Variants in QTMAN observed in about 807,000 individuals in gnomAD.
The protein encoded by QTMAN is queuosine-tRNA mannosyltransferase.
chr2:144,006,924 C>T, the QTMAN span: 1 of 332,758 alleles, frequency 3.0e-6, no homozygotes, highest in Non-Finnish European at 5.4e-6. Context: ...ACTTGATATG[C>T]TAGAAGTGCC....
chr2:144,300,875 T>C, the QTMAN span, among the ~76,000 whole-genome samples: 1 of 152,214 alleles, frequency 6.6e-6, no homozygotes, highest in Non-Finnish European at 1.5e-5. Context: ...CTAAGGAGGA[T>C]GAGTAATGCA....
the QTMAN span, among the ~76,000 whole-genome samples, chr2:144,172,736 T>C: frequency 6.6e-6 from 1 of 151,148 alleles, no homozygotes; most frequent in East Asian, 1.9e-4. Context: ...TATTCAAAAA[T>C]ACTAAGATAA....
chr2:144,110,688 CA>C, the QTMAN span, among the ~76,000 whole-genome samples: 6,123 of 132,910 alleles, frequency 0.046, 277 homozygotes, highest in East Asian at 0.088. Flanking sequence ...GACCCCCCCC[CA>C]AAAAAAAAAA....
At chr2:144,227,461 T>C in the QTMAN span, among the ~76,000 whole-genome samples, 1 of 152,102 alleles carries the variant, frequency 6.6e-6, no homozygotes, top group African/African-American at 2.4e-5. Context: ...CCACAAACCC[T>C]CACAAATTAA....
chr2:144,132,475 T>C, the QTMAN span, among the ~76,000 whole-genome samples: 185 of 152,198 alleles, frequency 1.2e-3, 2 homozygotes, highest in South Asian at 8.5e-3. Flanking sequence ...ACTTCTGTAC[T>C]GATCAATCCA....
chr2:144,024,128 T>C, the QTMAN span, among the ~76,000 whole-genome samples: 252 of 152,352 alleles, frequency 1.7e-3, no homozygotes, highest in African/African-American at 5.8e-3. Context: ...AACCAATCCA[T>C]GTGTAGATGT....
chr2:144,069,549 T>A, the QTMAN span, among the ~76,000 whole-genome samples: 1 of 152,044 alleles, frequency 6.6e-6, no homozygotes. Flanking sequence ...CATAACACAT[T>A]TATGTCAGAA....
the QTMAN span, among the ~76,000 whole-genome samples, chr2:144,063,210 T>G: frequency 1.3e-5 from 2 of 152,058 alleles, no homozygotes; most frequent in Non-Finnish European, 2.9e-5. Context: ...CTGGATTAAG[T>G]CCCTTAATCC....
chr2:144,101,680 C>T, the QTMAN span, among the ~76,000 whole-genome samples: 1 of 151,920 alleles, frequency 6.6e-6, no homozygotes, highest in South Asian at 2.1e-4. Context: ...TTTTGTTTTA[C>T]ACATATAAAT....
the QTMAN span, among the ~76,000 whole-genome samples, chr2:144,029,491 C>A: frequency 6.6e-6 from 1 of 152,212 alleles, no homozygotes; most frequent in South Asian, 2.1e-4. Context: ...CACTACCCGC[C>A]TTCCCTTGTA....
chr2:144,113,247 G>C, the QTMAN span, among the ~76,000 whole-genome samples: 1 of 150,884 alleles, frequency 6.6e-6, no homozygotes, highest in Admixed American at 6.6e-5. Flanking sequence ...AAAAAAGAGG[G>C]AAAAAAAATA....
At chr2:144,094,662 G>A in the QTMAN span, among the ~76,000 whole-genome samples, 1 of 152,160 alleles carries the variant, frequency 6.6e-6, no homozygotes, top group Non-Finnish European at 1.5e-5. Flanking sequence ...GTGATTCAAT[G>A]ATCTTCACCT....
the QTMAN span, among the ~76,000 whole-genome samples, chr2:144,126,008 C>A: frequency 6.6e-6 from 1 of 151,918 alleles, no homozygotes; most frequent in African/African-American, 2.4e-5. Flanking sequence ...AGAAAGAGAT[C>A]AAGGATAAAT....
chr2:144,067,613 C>A, the QTMAN span, among the ~76,000 whole-genome samples: 1 of 152,176 alleles, frequency 6.6e-6, no homozygotes, highest in Non-Finnish European at 1.5e-5. Context: ...GGCAGAGAAG[C>A]AGCTGGGTGC....
chr2:144,007,657 C>A, the QTMAN span: 1 of 643,130 alleles, frequency 1.6e-6, no homozygotes, highest in Non-Finnish European at 2.4e-6. Context: ...AGATGTTATA[C>A]AAAAATTCCA....
chr2:144,029,966 T>G, the QTMAN span, among the ~76,000 whole-genome samples: 1 of 152,180 alleles, frequency 6.6e-6, no homozygotes, highest in African/African-American at 2.4e-5. Context: ...AGAAAGGAGC[T>G]CATAGATTTC....
the QTMAN span, among the ~76,000 whole-genome samples, chr2:144,289,029 C>CT: frequency 0.018 from 2,123 of 115,934 alleles, 31 homozygotes; most frequent in Non-Finnish European, 0.026. Context: ...CAAGAAAATT[C>CT]TTTTTTTTTT....
At chr2:144,190,200 G>C in the QTMAN span, among the ~76,000 whole-genome samples, 2 of 152,028 alleles carry the variant, frequency 1.3e-5, no homozygotes, top group African/African-American at 4.8e-5. Flanking sequence ...AATCAAGATT[G>C]GCTATTTATT....
At chr2:144,190,050 GAT>G in the QTMAN span, among the ~76,000 whole-genome samples, 3 of 152,132 alleles carry the variant, frequency 2.0e-5, no homozygotes, top group African/African-American at 7.2e-5. Context: ...GGGTGGTAAT[GAT>G]ATTACAATTA....
Sources: allele counts gnomAD v4.1 joint callset (sites outside exome capture counted in the v4.1 genomes callset), GRCh38; gene constraint gnomAD v4.1.1; transcripts MANE v1.5; gene names NCBI Gene and HGNC (gene_info 2026-07-23, HGNC 2026-07-21).